Variants in ZNF536 observed in about 807,000 individuals in gnomAD.
The protein encoded by ZNF536 is zinc finger protein 536.
In ZNF536, 13 loss-of-function variants were observed where a neutral mutation model predicts 84.5. The ratio of observed to expected loss-of-function variants is 0.15; its 90% CI spans 0.10 to 0.24. ZNF536 has a LOEUF of 0.24. Ranked by LOEUF, ZNF536 falls within the 10% of genes least tolerant of loss-of-function variation. The pLI is 1.00. For missense variants in ZNF536, 1,536 were observed against 1,747.5 expected (o/e 0.88, Z 2.16); for synonymous variants, 811 against 742.5 (o/e 1.09, Z -1.50).
chr19:30,524,326 T>C (rs2044487259), intron 2 of ZNF536, among the ~76,000 whole-genome samples: 1 of 152,170 alleles, frequency 6.6e-6, no homozygotes, highest in African/African-American at 2.4e-5. Flanking sequence ...ATATTTGTGG[T>C]TATAAGGTAC....
intron 1 of ZNF536, among the ~76,000 whole-genome samples, chr19:30,574,453 C>T (rs2046658926): frequency 6.6e-6 from 1 of 152,192 alleles, no homozygotes; most frequent in African/African-American, 2.4e-5. Context: ...TGTGGGTGGC[C>T]CCCATTAGGT....
chr19:30,280,004 A>G (rs2045380847), intron 1 of ZNF536, among the ~76,000 whole-genome samples: 2 of 152,286 alleles, frequency 1.3e-5, no homozygotes, highest in Middle Eastern at 3.4e-3. Context: ...GGGAAGGGCC[A>G]TCCTGTGTCT....
intron 1 of ZNF536, among the ~76,000 whole-genome samples, chr19:30,671,742 G>A (rs536700667): frequency 7.9e-5 from 12 of 152,296 alleles, no homozygotes; most frequent in Admixed American, 7.8e-4. Context: ...TAGATACTCA[G>A]CAGACATTTG....
intron 3 of ZNF536, among the ~76,000 whole-genome samples, chr19:30,358,856 G>A (rs1296747191): frequency 1.3e-5 from 2 of 152,188 alleles, no homozygotes; most frequent in Non-Finnish European, 1.5e-5. Context: ...GCTGGGGCAC[G>A]TTTTGGACTC....
At position 30,656,377 on chromosome 19, in the gene ZNF536, G is replaced by T. The variant is rs974883535; in HGVS notation, c.170-54380G>T. Among the ~76,000 whole-genome samples the T allele has an allele frequency of 3.9e-5, 6 of 152,186 alleles. No individual in the cohort carries two copies. In the East Asian group the frequency reaches 1.2e-3, roughly 29 times the overall value. ...TAAGAAAATAAATTAACTTAGGATTGTGAAATCACATTAAAACAATATGAA... is the reference window on the plus strand; with the variant it reads ...TAAGAAAATAAATTAACTTAGGATTTTGAAATCACATTAAAACAATATGAA... On this transcript the variant is annotated intron_variant, in intron 1 of 1. Transcript: ENST00000592773.
At chr19:30,496,516 A>G (rs2053079) in intron 2 of ZNF536, among the ~76,000 whole-genome samples, 29,672 of 152,132 alleles carry the variant, frequency 0.2, 3,250 homozygotes, top group Non-Finnish European at 0.24. Flanking sequence ...GCTGAGATTT[A>G]ATGAGTATCA....
chr19:30,299,475 G>A (rs1022952798), intron 2 of ZNF536, among the ~76,000 whole-genome samples: 8 of 152,206 alleles, frequency 5.3e-5, no homozygotes, highest in African/African-American at 1.2e-4. Context: ...TAGGCTGCCT[G>A]TGAGGGTAGG....
intron 2 of ZNF536, chr19:30,300,704 AG>A (rs1555715016): frequency 6.6e-6 from 1 of 152,242 alleles, no homozygotes; most frequent in Non-Finnish European, 1.5e-5. Flanking sequence ...TCCTGCGTGA[AG>A]GAACTCAGGG....
intron 1 of ZNF536, among the ~76,000 whole-genome samples, chr19:30,440,498 C>A (rs2051986540): frequency 6.6e-6 from 1 of 152,220 alleles, no homozygotes; most frequent in African/African-American, 2.4e-5. Flanking sequence ...TTAGGACACA[C>A]TGAACCTAAG....
intron 1 of ZNF536, among the ~76,000 whole-genome samples, chr19:30,674,914 C>T (rs776985956): frequency 6.6e-6 from 1 of 152,126 alleles, no homozygotes; most frequent in Non-Finnish European, 1.5e-5. Context: ...TTGAACAGGT[C>T]ACGTGGGCAT....
At chr19:30,674,633 A>C (rs2050686721) in intron 1 of ZNF536, among the ~76,000 whole-genome samples, 2 of 152,106 alleles carry the variant, frequency 1.3e-5, no homozygotes. Context: ...AGAGGTGAGG[A>C]AGCTGCCTTT....
At chr19:30,632,631 C>G (rs1349260264) in intron 1 of ZNF536, among the ~76,000 whole-genome samples, 1 of 128,358 alleles carries the variant, frequency 7.8e-6, no homozygotes, top group East Asian at 2.4e-4. Flanking sequence ...ACCAACCAAC[C>G]AACCAACCAA....
chr19:30,686,833 C>T (rs1012568685), intron 1 of ZNF536, among the ~76,000 whole-genome samples: 4 of 152,064 alleles, frequency 2.6e-5, no homozygotes, highest in African/African-American at 7.2e-5. Context: ...TCTCAGTCTC[C>T]GATTATGAAT....
rs371564018 is a variant in ZNF536, at chr19:30,349,584, G to A, written c.-119-2784G>A. ...TTCTTGCTACACACTGGTTCCCTAGGTAACCGAGTGTACACTCGAGAAGAA... is the reference window on the plus strand; with the variant it reads ...TTCTTGCTACACACTGGTTCCCTAGATAACCGAGTGTACACTCGAGAAGAA... On this transcript the variant is annotated intron_variant, in intron 2 of 5. Transcript: ENST00000585628. Among the ~76,000 whole-genome samples the A allele has an allele frequency of 7.5e-4, 114 of 152,136 alleles. 1 individual carries two copies. Among genetic ancestry groups the A allele is most frequent in the Middle Eastern group, 3.4e-3 (1 of 294 alleles).
chr19:30,540,901 C>T (rs2146039943), intron 3 of ZNF536, among the ~76,000 whole-genome samples: 1 of 152,366 alleles, frequency 6.6e-6, no homozygotes, highest in East Asian at 1.9e-4. Context: ...TTGACCCCTC[C>T]CTCAGACTGG....
At chr19:30,377,898 G>T (rs2048877836) in intron 1 of ZNF536, among the ~76,000 whole-genome samples, 1 of 152,104 alleles carries the variant, frequency 6.6e-6, no homozygotes, top group African/African-American at 2.4e-5. Context: ...AGATGGAGTT[G>T]CTCTGGTTCA....
intron 1 of ZNF536, among the ~76,000 whole-genome samples, chr19:30,244,541 A>G (rs1424258002): frequency 6.6e-6 from 1 of 152,216 alleles, no homozygotes; most frequent in East Asian, 1.9e-4. Context: ...CTGTGAACTC[A>G]TGTGCATTTT....
At chr19:30,617,228 T>G (rs1350744492) in intron 1 of ZNF536, among the ~76,000 whole-genome samples, 1 of 150,416 alleles carries the variant, frequency 6.6e-6, no homozygotes, top group Non-Finnish European at 1.5e-5. Context: ...GGTGCACCCA[T>G]GTCCCAAGCA....
intron 2 of ZNF536, among the ~76,000 whole-genome samples, chr19:30,491,482 T>C (rs1255009239): frequency 6.6e-6 from 1 of 152,158 alleles, no homozygotes; most frequent in Non-Finnish European, 1.5e-5. Context: ...TGCCAATCCA[T>C]GGCTAAAAAT....
Sources: gnomAD v4.1 joint callset for allele counts (sites outside exome capture counted in the v4.1 genomes callset) on GRCh38, gnomAD v4.1.1 for gene constraint, MANE v1.5 for transcripts, NCBI Gene and HGNC (gene_info 2026-07-23, HGNC 2026-07-21) for gene names.